Variants in CEP295 observed in about 807,000 individuals in gnomAD.
CEP295 encodes the protein centrosomal protein 295, also known as centrosomal protein of 295 kDa.
Under a neutral mutation model 291.6 loss-of-function variants are expected in CEP295, and 190 were observed. That is an observed-to-expected ratio of 0.65 (90% CI 0.58 to 0.73). The LOEUF (loss-of-function observed/expected upper bound fraction) is 0.73. Ranked by LOEUF, CEP295 falls within the 30% of genes least tolerant of loss-of-function variation. CEP295 has a pLI of 0.00. For synonymous variants in CEP295, 993 were observed against 1,038.8 expected (o/e 0.96, Z 0.85); for missense variants, 2,863 against 2,949.4 (o/e 0.97, Z 0.68).
chr11:93,701,580 G>GT (rs957886068), intron 15 of CEP295, among the ~76,000 whole-genome samples: 11 of 151,430 alleles, frequency 7.3e-5, no homozygotes, highest in South Asian at 2.1e-4. Flanking sequence ...TGGAGGCTAA[G>GT]TTTTTTTTTG....
chr11:93,666,087 A>T (rs1306807716), intron 1 of CEP295, among the ~76,000 whole-genome samples: 1 of 152,238 alleles, frequency 6.6e-6, no homozygotes, highest in Non-Finnish European at 1.5e-5. Context: ...AGTCAGGTCC[A>T]GATACTCGAG....
chr11:93,686,566 T>C (rs1029158717), intron 9 of CEP295, among the ~76,000 whole-genome samples: 9 of 152,194 alleles, frequency 5.9e-5, no homozygotes, highest in African/African-American at 2.2e-4. Flanking sequence ...ATGAATTTAC[T>C]TCTTAAAAAT....
At chr11:93,693,616 C>T (rs10734163) in intron 12 of CEP295, among the ~76,000 whole-genome samples, 139,883 of 152,242 alleles carry the variant, frequency 0.92, 65,079 homozygotes, top group East Asian at 0.99. Flanking sequence ...AGTATCTGGG[C>T]GTGGTGGTAC....
In CEP295 at chr11:93,712,856, TTTGTTGTTG is replaced by T. The variant is rs56969423; in HGVS notation, c.5749+5989_5749+5997del. Among the ~76,000 whole-genome samples, 660 of 148,880 alleles carry T rather than the reference TTTGTTGTTG, an allele frequency of 4.4e-3. 4 individuals carry two copies. Among genetic ancestry groups the T allele is most frequent in the African/African-American group, 0.015 (591 of 40,564 alleles). On this transcript the variant is annotated intron_variant, in intron 18 of 29. Transcript: ENST00000325212. ...CTCTTCCTACTTTTCTTTCTTCTGT[TTTGTTGTTG>T]TTGTTGTTGTTGTTGTTGTTGTTGT... is the stretch of plus-strand genomic sequence containing the variant.
rs1261003427 is a variant in CEP295, at chr11:93,699,441, A to G, written c.4529A>G (p.Gln1510Arg). 1 of 1,551,672 alleles carries G rather than the reference A, an allele frequency of 6.4e-7. No individual in the cohort carries two copies. The highest frequency in any genetic ancestry group is 2.4e-5 in the East Asian group (1 of 40,930). The change falls in exon 15 of 30, where the codon CAG becomes CGG. Residue 1510 changes from glutamine to arginine, a missense_variant. This residue lies in a region of CEP295 where 2,295 missense variants were observed against 2,335.7 expected (regional missense o/e 0.98). Coordinates refer to ENST00000325212, the MANE Select transcript of CEP295 (RefSeq NM_033395.2). Reference protein sequence around the residue: ...SHHGDLQALQQQLDTQKKAIR... With the variant: ...SHHGDLQALQRQLDTQKKAIR... ...CATGGTGATTTGCAGGCACTTCAAC[A>G]GCAGTTAGATACACAGAAGAAAGCC...
chr11:93,663,910 A>G (rs1950099671), intron 1 of CEP295, among the ~76,000 whole-genome samples: 1 of 152,186 alleles, frequency 6.6e-6, no homozygotes, highest in Non-Finnish European at 1.5e-5. Flanking sequence ...ACACTTGTCT[A>G]AACCATCATA....
At chr11:93,675,236 G>A (rs1180747379) in intron 5 of CEP295, among the ~76,000 whole-genome samples, 2 of 152,108 alleles carry the variant, frequency 1.3e-5, no homozygotes, top group South Asian at 2.1e-4. Context: ...ATATAATGAA[G>A]TGCTTTTCAT....
Position 93,721,997 on chromosome 11 carries a change from C to T in CEP295, c.5894C>T (p.Ser1965Phe), listed in dbSNP as rs1251329144. The T allele has an allele frequency of 1.3e-6, 2 of 1,581,240 alleles. No homozygotes were observed. The highest frequency in any genetic ancestry group is 1.1e-5 in the South Asian group (1 of 88,126). ...SYEPLSSATV[S>F]TGSLLSYENT... ...GAACCATTATCTTCAGCAACTGTTTCCACTGGGAGCCTTTTAAGTTATGAA... is the reference window on the plus strand; with the variant it reads ...GAACCATTATCTTCAGCAACTGTTTTCACTGGGAGCCTTTTAAGTTATGAA... The change falls in exon 20 of 30, where the codon TCC becomes TTC. Residue 1965 changes from serine (S) to phenylalanine (F), a missense_variant. By Grantham distance (155) the Ser-to-Phe change is radical (BLOSUM62 -2). Coordinates refer to ENST00000325212, the MANE Select transcript of CEP295 (RefSeq NM_033395.2).
At position 93,730,059 on chromosome 11, in the gene CEP295, C is replaced by T. The variant is rs867677328; in HGVS notation, c.7678C>T (p.Gln2560Ter). ...ATAAATTCTTTACAGGTTATACAAT[C>T]AACTAGCTGAAGTGAAACAACAAAA... ...RHQRGLRLYN[Q>*]LAEVKQQKEE... Residue 2560 changes from glutamine (Q) to a stop codon, truncating the protein, a stop_gained, in exon 29 of 30, where the codon CAA becomes TAA. Coordinates refer to ENST00000325212, the MANE Select transcript of CEP295 (RefSeq NM_033395.2). LOFTEE classifies it high-confidence loss of function. 7.8e-6 allele frequency: 12 copies of T among 1,548,042 alleles called. No individual in the cohort carries two copies. The Admixed American group carries it at 9.9e-5, about 13-fold the overall frequency.
intron 18 of CEP295, among the ~76,000 whole-genome samples, chr11:93,712,749 A>G (rs957819110): frequency 2.6e-5 from 4 of 151,788 alleles, no homozygotes; most frequent in Non-Finnish European, 5.9e-5. Flanking sequence ...AGTTTAGTCC[A>G]TTTACATTGA....
intron 17 of CEP295, among the ~76,000 whole-genome samples, chr11:93,706,232 G>A (rs1193535736): frequency 6.6e-6 from 1 of 152,082 alleles, no homozygotes; most frequent in Admixed American, 6.6e-5. Flanking sequence ...AGTGCCTAGC[G>A]CCCTTAATTC....
At chr11:93,721,514 C>G (rs1953711270) in intron 19 of CEP295, 102 bp downstream of exon 19, 2 of 838,536 alleles carry the variant, frequency 2.4e-6, no homozygotes, top group Admixed American at 1.7e-5. Context: ...AAAGTCAGTG[C>G]TTTCTGAGAT....
At chr11:93,715,209 T>C (rs1422935211) in intron 18 of CEP295, among the ~76,000 whole-genome samples, 1 of 152,094 alleles carries the variant, frequency 6.6e-6, no homozygotes, top group African/African-American at 2.4e-5. Context: ...AACAAAGTCC[T>C]TTCCACTGTT....
In CEP295 at chr11:93,683,980, G is replaced by C; in HGVS notation, c.966G>C (p.Leu322=). The change falls in exon 9 of 30, where the codon CTG becomes CTC. Residue 322 remains leucine (L), a synonymous_variant. Coordinates refer to ENST00000325212, the MANE Select transcript of CEP295 (RefSeq NM_033395.2). The part of the protein sequence containing the change: ...YNADRKVKGN[L]ILHLEPEPLP... The stretch of plus-strand genomic sequence containing the variant: ...TTTTTTAAGAGGTGAAAGGGAATCT[G>C]ATTCTGCACCTTGAACCAGAGCCCT... The C allele has an allele frequency of 6.4e-7, 1 of 1,550,718 alleles. No individual in the cohort carries two copies. Among genetic ancestry groups the C allele is most frequent in the Non-Finnish European group, 8.7e-7 (1 of 1,146,854 alleles).
Position 93,679,533 on chromosome 11 carries a change from A to T in CEP295, c.746A>T (p.Lys249Met). ...CATGTACGGGGATTCCAAGCAATGA[A>T]GAAGATCCATTTGGCTCAAGTAAGA... ...KAHVRGFQAM[K>M]KIHLAQNQEK... Residue 249 changes from lysine (K) to methionine (M), a missense_variant, in exon 7 of 30, where the codon AAG (lysine) becomes ATG (methionine). Physicochemically the swap from Lys to Met is moderately conservative, Grantham distance 95 (BLOSUM62 -1). Around this residue, in one of 3 missense-constraint regions of CEP295, gnomAD observed 554 missense variants for 576.0 expected, o/e 0.96. Coordinates refer to ENST00000325212, the MANE Select transcript of CEP295 (RefSeq NM_033395.2). 11 of 1,551,450 alleles carry T rather than the reference A, an allele frequency of 7.1e-6. No individual in the cohort carries two copies. The highest frequency in any genetic ancestry group is 9.6e-6 in the Non-Finnish European group (11 of 1,146,828).
Position 93,699,013 on chromosome 11 carries a change from A to C in CEP295, c.4101A>C (p.Leu1367=). ...CTACACAGAGAGAAGCCATCATTCT[A>C]GCTAGACAAGAAGCTCGGGAAGAAT... The part of the protein sequence containing the change: ...QLATQREAII[L]ARQEAREELL... Residue 1367 remains leucine (L), a synonymous_variant, in exon 15 of 30, where the codon CTA becomes CTC. Transcript: ENST00000325212. 2 of 1,548,248 alleles carry C rather than the reference A, an allele frequency of 1.3e-6. No homozygotes were observed. Among genetic ancestry groups the C allele is most frequent in the Non-Finnish European group, 1.7e-6 (2 of 1,147,054 alleles).
At chr11:93,715,600 C>T (rs1378237235) in intron 18 of CEP295, among the ~76,000 whole-genome samples, 3 of 152,032 alleles carry the variant, frequency 2.0e-5, no homozygotes, top group African/African-American at 7.2e-5. Flanking sequence ...TGCTGGGTCA[C>T]ACATGAAGCC....
In CEP295 at chr11:93,698,285, G is replaced by A. The variant is rs1214166849; in HGVS notation, c.3373G>A (p.Glu1125Lys). The A allele has an allele frequency of 1.3e-6, 2 of 1,551,796 alleles. No individual in the cohort carries two copies. The highest frequency in any genetic ancestry group is 2.7e-5 in the African/African-American group (2 of 73,134). Residue 1125 changes from glutamate (E) to lysine (K), a missense_variant, in exon 15 of 30, where the codon GAG (glutamate) becomes AAG (lysine). Glu to Lys is a moderately conservative substitution (Grantham distance 56, BLOSUM62 1). This residue lies in a region of CEP295 where 2,295 missense variants were observed against 2,335.7 expected (regional missense o/e 0.98). Transcript: ENST00000325212. ...SAKAEPRRIQ[E>K]LYLSEKENVG... is the part of the protein sequence containing the mutation. Reference sequence around the variant, plus strand: ...TAAAGCTGAGCCTAGGAGAATTCAGGAGCTTTATTTATCTGAGAAGGAGAA... The same window carrying A: ...TAAAGCTGAGCCTAGGAGAATTCAGAAGCTTTATTTATCTGAGAAGGAGAA...
intron 26 of CEP295, 37 bp downstream of exon 26, chr11:93,729,567 GTAGA>G (rs886586618): frequency 6.5e-6 from 10 of 1,549,744 alleles, no homozygotes; most frequent in Non-Finnish European, 8.7e-6. Context: ...CTAATGGAAA[GTAGA>G]TACTTTGCCT....
Sources: gnomAD v4.1 joint callset for allele counts (sites outside exome capture counted in the v4.1 genomes callset) on GRCh38, gnomAD v4.1.1 for gene constraint, gnomAD v4.1.1 regional missense constraint, MANE v1.5 for transcripts, NCBI Gene and HGNC (gene_info 2026-07-23, HGNC 2026-07-21) for gene names.